TCF4: variants seen among roughly 807,000 people sequenced by gnomAD.
The protein encoded by TCF4 is SL3-3 enhancer factor 2.
In TCF4, 3 loss-of-function variants were observed where a neutral mutation model predicts 82.1. The ratio of observed to expected loss-of-function variants is 0.04; its 90% CI spans 0.02 to 0.09. The LOEUF (loss-of-function observed/expected upper bound fraction) is 0.09, where lower values mean the gene tolerates loss of function less well. Among genes scored for constraint, TCF4 ranks in the 10% least tolerant of loss-of-function variants. The pLI is 1.00. For synonymous variants in TCF4, 276 were observed against 309.6 expected (o/e 0.89, Z 1.14); for missense variants, 518 against 852.7 (o/e 0.61, Z 4.89).
At chr18:55,635,334 C>T (rs2148010849) in intron 1 of TCF4, among the ~76,000 whole-genome samples, 1 of 152,172 alleles carries the variant, frequency 6.6e-6, no homozygotes, top group South Asian at 2.1e-4. Flanking sequence ...CATGGCAAAA[C>T]CCTGTCTCTA....
At chr18:55,557,240 A>G (rs2097312367) in intron 3 of TCF4, among the ~76,000 whole-genome samples, 1 of 151,994 alleles carries the variant, frequency 6.6e-6, no homozygotes, top group South Asian at 2.1e-4. Flanking sequence ...AACTAATGCA[A>G]ACACACAGAC....
intron 8 of TCF4, among the ~76,000 whole-genome samples, chr18:55,308,064 T>C (rs2070969136): frequency 6.6e-6 from 1 of 152,208 alleles, no homozygotes; most frequent in African/African-American, 2.4e-5. Context: ...CAACGCTAAC[T>C]GGGCACATTT....
At chr18:55,580,481 A>G (rs1488034959) in intron 3 of TCF4, among the ~76,000 whole-genome samples, 1 of 152,046 alleles carries the variant, frequency 6.6e-6, no homozygotes, top group African/African-American at 2.4e-5. Context: ...CACAACTTTT[A>G]AAATATCTAC....
chr18:55,351,541 T>C (rs529784067), intron 6 of TCF4, among the ~76,000 whole-genome samples: 69 of 152,006 alleles, frequency 4.5e-4, no homozygotes, highest in African/African-American at 1.6e-3. Context: ...CAAGAGGAAA[T>C]TCAAATCCTC....
At chr18:55,472,855 C>G (rs2145244566) in intron 3 of TCF4, among the ~76,000 whole-genome samples, 1 of 152,154 alleles carries the variant, frequency 6.6e-6, no homozygotes, top group Non-Finnish European at 1.5e-5. Context: ...TTGGCACCTC[C>G]TAAAGACATA....
intron 10 of TCF4, among the ~76,000 whole-genome samples, chr18:55,273,677 AACTGTTC>A (rs2060864398): frequency 6.6e-6 from 1 of 152,148 alleles, no homozygotes; most frequent in Non-Finnish European, 1.5e-5. Context: ...GAAATCTGTT[AACTGTTC>A]AGATGAAAAA....
At chr18:55,524,388 G>C (rs968418920) in intron 3 of TCF4, among the ~76,000 whole-genome samples, 3 of 151,828 alleles carry the variant, frequency 2.0e-5, no homozygotes, top group Non-Finnish European at 4.4e-5. Flanking sequence ...AGTTAACTAG[G>C]TCAGAAGTAG....
chr18:55,304,307 G>A (rs186288122), intron 8 of TCF4, among the ~76,000 whole-genome samples: 5 of 152,098 alleles, frequency 3.3e-5, no homozygotes, highest in Admixed American at 1.3e-4. Context: ...CAAAAATATA[G>A]GAATTCGATG....
intron 5 of TCF4, among the ~76,000 whole-genome samples, chr18:55,429,703 A>G (rs2095117601): frequency 1.5e-5 from 2 of 134,014 alleles, no homozygotes; most frequent in African/African-American, 5.4e-5. Context: ...GGAGCTTGCG[A>G]TGAGCCAAGA....
intron 8 of TCF4, among the ~76,000 whole-genome samples, chr18:55,292,964 G>A (rs565369448): frequency 1.3e-5 from 2 of 152,184 alleles, no homozygotes; most frequent in East Asian, 3.9e-4. Context: ...ATAAAGCCTA[G>A]AAGTAGGGGG....
At chr18:55,483,773 G>A (rs1053632211) in intron 3 of TCF4, among the ~76,000 whole-genome samples, 21 of 152,168 alleles carry the variant, frequency 1.4e-4, no homozygotes, top group South Asian at 4.1e-4. Flanking sequence ...GGCATTCTGC[G>A]TCACTTACTT....
chr18:55,559,307 C>A (rs2097334768), intron 3 of TCF4, among the ~76,000 whole-genome samples: 1 of 151,830 alleles, frequency 6.6e-6, no homozygotes, highest in African/African-American at 2.4e-5. Flanking sequence ...TGGAGCAGAA[C>A]AGAACTGTAG....
intron 2 of TCF4, among the ~76,000 whole-genome samples, chr18:55,602,411 C>A (rs1369132011): frequency 2.0e-5 from 3 of 152,130 alleles, no homozygotes; most frequent in Non-Finnish European, 2.9e-5. Context: ...AATTTTTAAT[C>A]TTTGTTGGCA....
At chr18:55,265,177 C>T (rs1423490453) in intron 11 of TCF4, 1 of 152,102 alleles carries the variant, frequency 6.6e-6, no homozygotes, top group Non-Finnish European at 1.5e-5. Context: ...AATGCACACC[C>T]ATCATCTAAG....
At chr18:55,566,709 G>A (rs1371754149) in intron 3 of TCF4, among the ~76,000 whole-genome samples, 1 of 152,132 alleles carries the variant, frequency 6.6e-6, no homozygotes. Context: ...CAAGGGGACT[G>A]AAAATATGAG....
chr18:55,629,105 A>G (rs1370284160), intron 2 of TCF4, among the ~76,000 whole-genome samples: 1 of 152,222 alleles, frequency 6.6e-6, no homozygotes. Context: ...TCTTATAAAA[A>G]ATAATATTTT....
intron 11 of TCF4, chr18:55,265,276 T>G (rs1374935921): frequency 1.3e-5 from 2 of 152,110 alleles, no homozygotes; most frequent in East Asian, 3.9e-4. Context: ...TCAAAGTAGG[T>G]TTTTCTAAAC....
At chr18:55,363,697 T>C (rs1252280420) in intron 6 of TCF4, among the ~76,000 whole-genome samples, 1 of 151,976 alleles carries the variant, frequency 6.6e-6, no homozygotes, top group East Asian at 1.9e-4. Flanking sequence ...TCCCAGCTAT[T>C]AGAGAGGCTG....
At chr18:55,519,219 G>A (rs1314064311) in intron 3 of TCF4, among the ~76,000 whole-genome samples, 3 of 152,090 alleles carry the variant, frequency 2.0e-5, no homozygotes, top group Non-Finnish European at 4.4e-5. Context: ...GATCACTTGA[G>A]CCTGGGAGTT....
Sources: gnomAD v4.1 joint callset for allele counts (sites outside exome capture counted in the v4.1 genomes callset) on GRCh38, gnomAD v4.1.1 for gene constraint, MANE v1.5 for transcripts, NCBI Gene and HGNC (gene_info 2026-07-23, HGNC 2026-07-21) for gene names.